ZCCHC17: variants seen among roughly 807,000 people sequenced by gnomAD.
ZCCHC17 encodes zinc finger CCHC-type containing 17.
ZCCHC17 carries 18 observed loss-of-function variants against 30.6 expected under a neutral mutation model. That is an observed-to-expected ratio of 0.59 (90% confidence interval 0.41 to 0.87). ZCCHC17 has a LOEUF of 0.87. ZCCHC17 is among the 40% of genes least tolerant of loss of function. The probability of loss-of-function intolerance (pLI) is 0.00; values close to 1 mark genes in which losing one functional copy is unlikely to be tolerated. For missense variants in ZCCHC17, 263 were observed against 284.2 expected, an observed-to-expected ratio of 0.93 and a Z score of 0.54; for synonymous variants, 88 against 92.4, an observed-to-expected ratio of 0.95 and a Z score of 0.27.
chr1:31,354,882 A>C lies in ZCCHC17; in HGVS notation c.564+5908A>C, dbSNP rs374599829. On this transcript the variant is annotated intron_variant, in intron 7 of 7. Transcript: ENST00000344147. Reference sequence around the variant, plus strand: ...AATCATTATACATTATTATTTCTTAAAAGTATCTTTGGCCGGGCACGGTGG... The same window carrying C: ...AATCATTATACATTATTATTTCTTACAAGTATCTTTGGCCGGGCACGGTGG... Among the ~76,000 whole-genome samples the C allele has an allele frequency of 2.0e-3, 299 of 152,256 alleles. 1 individual carries two copies. The highest frequency in any genetic ancestry group is 3.7e-3 in the Non-Finnish European group (251 of 68,020).
chr1:31,314,709 C>A (rs1304302866), intron 2 of ZCCHC17, among the ~76,000 whole-genome samples: 1 of 149,318 alleles, frequency 6.7e-6, no homozygotes, highest in Non-Finnish European at 1.5e-5. Flanking sequence ...CATGAGAATT[C>A]TTTTTTTTTT....
At chr1:31,351,648 T>A (rs1639474170) in intron 7 of ZCCHC17, among the ~76,000 whole-genome samples, 2 of 151,996 alleles carry the variant, frequency 1.3e-5, no homozygotes, top group South Asian at 4.2e-4. Flanking sequence ...GAGGCTGAGG[T>A]GGGAGGATCT....
intron 3 of ZCCHC17, among the ~76,000 whole-genome samples, chr1:31,325,675 C>G (rs1638310264): frequency 6.6e-6 from 1 of 152,256 alleles, no homozygotes; most frequent in Non-Finnish European, 1.5e-5. Flanking sequence ...GGGACGGCAG[C>G]ATGAGCCAAG....
chr1:31,344,471 G>A (rs1639166944), intron 5 of ZCCHC17, among the ~76,000 whole-genome samples: 1 of 152,130 alleles, frequency 6.6e-6, no homozygotes, highest in Admixed American at 6.5e-5. Flanking sequence ...CCACTTACTA[G>A]CTGTACTGAA....
At chr1:31,332,922 A>G (rs1409138840) in intron 3 of ZCCHC17, 2 of 152,152 alleles carry the variant, frequency 1.3e-5, no homozygotes, top group Non-Finnish European at 2.9e-5. Flanking sequence ...GCGCTTGGCC[A>G]ACATTTTGGT....
At chr1:31,354,337 G>A (rs985150901) in intron 7 of ZCCHC17, among the ~76,000 whole-genome samples, 2 of 151,902 alleles carry the variant, frequency 1.3e-5, no homozygotes, top group Admixed American at 6.6e-5. Context: ...TTTTTTTGTG[G>A]ACTCTTTAGG....
At position 31,341,377 on chromosome 1, in the gene ZCCHC17, C is replaced by T. The variant is rs187368518; in HGVS notation, c.317+2329C>T. On this transcript the variant is annotated intron_variant, in intron 5 of 7. Coordinates refer to ENST00000344147, the MANE Select transcript of ZCCHC17 (RefSeq NM_016505.4). ...ATAAATAGCTTCTGCTCCAAAAAAT[C>T]CAATGCTATATGGACTCATTAAAAA... 1.8e-3 allele frequency among the ~76,000 whole-genome samples: 274 copies of T among 152,234 alleles called. 1 individual carries two copies. Among genetic ancestry groups the T allele is most frequent in the African/African-American group, 6.0e-3 (251 of 41,524 alleles).
At chr1:31,300,571 T>C (rs1486458455) in intron 1 of ZCCHC17, among the ~76,000 whole-genome samples, 4 of 151,474 alleles carry the variant, frequency 2.6e-5, no homozygotes, top group African/African-American at 4.9e-5. Flanking sequence ...GAGTTTAGAG[T>C]GTTGTTGGAA....
At chr1:31,339,168 C>T (rs146963996) in intron 5 of ZCCHC17, 120 bp downstream of exon 5, 36 of 727,928 alleles carry the variant, frequency 4.9e-5, no homozygotes, top group African/African-American at 3.4e-4. Context: ...TGATAAGTTA[C>T]GTAACCTTTG....
intron 7 of ZCCHC17, among the ~76,000 whole-genome samples, chr1:31,349,758 G>A (rs947648650): frequency 9.2e-5 from 14 of 152,036 alleles, no homozygotes; most frequent in African/African-American, 3.1e-4. Flanking sequence ...GCATTTCCTA[G>A]TATCCTTAAG....
At chr1:31,357,259 C>T (rs2148479758) in intron 7 of ZCCHC17, among the ~76,000 whole-genome samples, 1 of 152,306 alleles carries the variant, frequency 6.6e-6, no homozygotes, top group South Asian at 2.1e-4. Context: ...GAAAGGTTGC[C>T]AGTCCTGAGC....
intron 7 of ZCCHC17, among the ~76,000 whole-genome samples, chr1:31,352,993 G>T (rs72878275): frequency 0.011 from 1,658 of 152,292 alleles, 30 homozygotes; most frequent in African/African-American, 0.037. Flanking sequence ...TAATGCACAA[G>T]GGTTCAAGTG....
chr1:31,304,541 C>T (rs1275776939), intron 1 of ZCCHC17, among the ~76,000 whole-genome samples: 1 of 151,880 alleles, frequency 6.6e-6, no homozygotes, highest in African/African-American at 2.4e-5. Flanking sequence ...GCCATGGCCT[C>T]CCAAAGTGCT....
intron 7 of ZCCHC17, among the ~76,000 whole-genome samples, chr1:31,354,577 G>A (rs1639577080): frequency 6.6e-6 from 1 of 152,070 alleles, no homozygotes; most frequent in Non-Finnish European, 1.5e-5. Context: ...TAACCTTTTA[G>A]AGGTAAATGG....
intron 2 of ZCCHC17, among the ~76,000 whole-genome samples, chr1:31,312,580 A>T (rs1367588278): frequency 1.3e-5 from 2 of 152,080 alleles, no homozygotes; most frequent in Non-Finnish European, 2.9e-5. Context: ...TGTTAAATGG[A>T]GGTTCCATTT....
chr1:31,301,604 A>G (rs1646313492), intron 1 of ZCCHC17, among the ~76,000 whole-genome samples: 1 of 152,216 alleles, frequency 6.6e-6, no homozygotes, highest in Non-Finnish European at 1.5e-5. Context: ...TAATTGACTG[A>G]AAGTGTAGTG....
At chr1:31,346,821 G>A (rs1340465194) in intron 6 of ZCCHC17, 81 bp downstream of exon 6, 1 of 1,585,320 alleles carries the variant, frequency 6.3e-7, no homozygotes, top group South Asian at 1.1e-5. Context: ...AGCCCAGTGT[G>A]AGTTTAGTTT....
chr1:31,360,643 C>CT (rs759136351), intron 7 of ZCCHC17, among the ~76,000 whole-genome samples: 1 of 152,210 alleles, frequency 6.6e-6, no homozygotes, highest in Non-Finnish European at 1.5e-5. Context: ...TTCTTGCTAG[C>CT]TAGAGTCCAT....
chr1:31,302,966 G>A (rs987166531), intron 1 of ZCCHC17, among the ~76,000 whole-genome samples: 5 of 152,130 alleles, frequency 3.3e-5, no homozygotes, highest in African/African-American at 4.8e-5. Flanking sequence ...AATTCTTTTT[G>A]AGGTATAGTG....
Sources: gnomAD v4.1 joint callset for allele counts (sites outside exome capture counted in the v4.1 genomes callset) on GRCh38, gnomAD v4.1.1 for gene constraint, MANE v1.5 for transcripts, NCBI Gene and HGNC (gene_info 2026-07-23, HGNC 2026-07-21) for gene names.